NSD3: variants seen among roughly 807,000 people sequenced by gnomAD.
The protein encoded by NSD3 is nuclear receptor binding SET domain protein 3.
In NSD3, 24 loss-of-function variants were observed where a neutral mutation model predicts 160.8. That is an observed-to-expected ratio of 0.15 (90% confidence interval 0.11 to 0.21). The LOEUF (loss-of-function observed/expected upper bound fraction) is 0.21, where lower values mean the gene tolerates loss of function less well. NSD3 is among the 10% of genes least tolerant of loss of function. NSD3 has a pLI of 1.00. For synonymous variants in NSD3, 520 were observed against 600.0 expected (o/e 0.87, Z 1.95); for missense variants, 1,157 against 1,735.9 (o/e 0.67, Z 5.93).
At chr8:38,278,221 A>C (rs1368947651) in intron 22 of NSD3, 85 bp downstream of exon 22, 2 of 1,216,600 alleles carry the variant, frequency 1.6e-6, no homozygotes, top group African/African-American at 1.5e-5. Context: ...TACAGGCATG[A>C]GCCACCGCGC....
intron 1 of NSD3, among the ~76,000 whole-genome samples, chr8:38,368,152 G>A (rs1416270503): frequency 6.6e-6 from 1 of 152,074 alleles, no homozygotes; most frequent in Non-Finnish European, 1.5e-5. Flanking sequence ...GCTAAAGGGG[G>A]TTACACCATG....
At chr8:38,313,446 T>C (rs1809581796) in intron 12 of NSD3, among the ~76,000 whole-genome samples, 1 of 152,138 alleles carries the variant, frequency 6.6e-6, no homozygotes, top group African/African-American at 2.4e-5. Flanking sequence ...TAATAGTACC[T>C]ATCTCATCAT....
At chr8:38,337,568 A>G (rs891434790) in intron 3 of NSD3, 101 bp from the exon 4 acceptor site, 2 of 1,092,678 alleles carry the variant, frequency 1.8e-6, no homozygotes, top group African/African-American at 3.3e-5. Context: ...CTTCAGTTAT[A>G]CTTTGATACA....
intron 11 of NSD3, 78 bp downstream of exon 11, chr8:38,315,338 C>T: frequency 1.4e-6 from 2 of 1,426,468 alleles, no homozygotes; most frequent in Non-Finnish European, 1.8e-6. Context: ...ATATTATCCT[C>T]TTCAACAGGA....
intron 14 of NSD3, chr8:38,303,238 C>A: frequency 1.0e-6 from 1 of 985,262 alleles, no homozygotes; most frequent in Non-Finnish European, 1.2e-6. Flanking sequence ...ATAATTTTTT[C>A]TTCTAATCAT....
At chr8:38,355,719 G>C (rs1417937108) in intron 1 of NSD3, among the ~76,000 whole-genome samples, 1 of 152,166 alleles carries the variant, frequency 6.6e-6, no homozygotes, top group Admixed American at 6.5e-5. Flanking sequence ...ATAAATCCCT[G>C]ATAAAGATAA....
At chr8:38,363,241 T>C (rs1264486454) in intron 1 of NSD3, among the ~76,000 whole-genome samples, 1 of 152,234 alleles carries the variant, frequency 6.6e-6, no homozygotes, top group Non-Finnish European at 1.5e-5. Context: ...AATGGAGAGA[T>C]TATCCTATAC....
At chr8:38,357,027 G>A (rs1241234801) in intron 1 of NSD3, among the ~76,000 whole-genome samples, 1 of 142,168 alleles carries the variant, frequency 7.0e-6, no homozygotes, top group African/African-American at 2.6e-5. Context: ...GGTGAGGCAG[G>A]AGAATTGCTT....
intron 14 of NSD3, among the ~76,000 whole-genome samples, chr8:38,302,866 C>T (rs572518612): frequency 3.3e-5 from 5 of 152,250 alleles, no homozygotes; most frequent in Admixed American, 6.5e-5. Flanking sequence ...AACTCCTGGC[C>T]TTAAGCAATC....
intron 1 of NSD3, among the ~76,000 whole-genome samples, chr8:38,367,968 A>G (rs928311969): frequency 2.0e-5 from 3 of 152,112 alleles, no homozygotes; most frequent in Non-Finnish European, 4.4e-5. Context: ...AGTTTAAACT[A>G]TTAATAAAGC....
At chr8:38,368,475 G>T (rs1811161081) in intron 1 of NSD3, among the ~76,000 whole-genome samples, 1 of 152,058 alleles carries the variant, frequency 6.6e-6, no homozygotes, top group African/African-American at 2.4e-5. Flanking sequence ...ATACAAAAAA[G>T]AAAACAACAA....
At chr8:38,353,800 CA>C (rs1291378760) in intron 1 of NSD3, among the ~76,000 whole-genome samples, 1 of 152,170 alleles carries the variant, frequency 6.6e-6, no homozygotes, top group Admixed American at 6.5e-5. Flanking sequence ...GCATTAACTT[CA>C]TTTTTTAGGT....
In NSD3 at chr8:38,306,053, T is replaced by C. The variant is rs1809384239; in HGVS notation, c.2243-608A>G. Among the ~76,000 whole-genome samples the C allele has an allele frequency of 2.0e-5, 3 of 152,082 alleles. No individual in the cohort carries two copies. The South Asian group carries it at 6.2e-4, about 32-fold the overall frequency. ...AAATAATTACCAAACCAGAATTCTA[T>C]ACCCAGTGAAAATATTCGTCAAGAA... On this transcript the variant is annotated intron_variant, in intron 12 of 23. Coordinates refer to ENST00000317025, the MANE Select transcript of NSD3 (RefSeq NM_023034.2).
At chr8:38,380,167 G>C (rs114744793) in intron 1 of NSD3, among the ~76,000 whole-genome samples, 1 of 152,220 alleles carries the variant, frequency 6.6e-6, no homozygotes, top group African/African-American at 2.4e-5. Context: ...GCAAAGAGAA[G>C]AGATGGGGAA....
At chr8:38,354,200 C>A (rs1012965028) in intron 1 of NSD3, among the ~76,000 whole-genome samples, 1 of 152,116 alleles carries the variant, frequency 6.6e-6, no homozygotes, top group Non-Finnish European at 1.5e-5. Context: ...GTGCTTAGAC[C>A]GAATCTAAAG....
chr8:38,326,447 G>A (rs1038440436), intron 7 of NSD3, among the ~76,000 whole-genome samples: 24 of 152,128 alleles, frequency 1.6e-4, no homozygotes, highest in African/African-American at 5.8e-4. Flanking sequence ...AGAGATAGTC[G>A]ATGGTGTATT....
At chr8:38,311,538 C>T (rs1809536508) in intron 12 of NSD3, among the ~76,000 whole-genome samples, 1 of 152,130 alleles carries the variant, frequency 6.6e-6, no homozygotes, top group African/African-American at 2.4e-5. Context: ...GTTGGTCAGG[C>T]TGGTCTTAAA....
chr8:38,317,872 A>G lies in NSD3; in HGVS notation c.1855+1023T>C. ...GGCGAAATCAAAATCGAAAACAAAGAAACTGTTTATCAAGCCGCCGACAAA... is the reference window on the plus strand; with the variant it reads ...GGCGAAATCAAAATCGAAAACAAAGGAACTGTTTATCAAGCCGCCGACAAA... On this transcript the variant is annotated intron_variant, in intron 9 of 23. Coordinates refer to ENST00000317025, the MANE Select transcript of NSD3 (RefSeq NM_023034.2). The surrounding 1 kb of genome is among the most constrained non-coding windows in gnomAD (Gnocchi z 5.3). The G allele has an allele frequency of 8.2e-6, 13 of 1,587,792 alleles. No individual in the cohort carries two copies. The highest frequency in any genetic ancestry group is 1.4e-5 in the African/African-American group (1 of 73,850).
intron 16 of NSD3, among the ~76,000 whole-genome samples, chr8:38,291,165 C>A (rs748037407): frequency 6.6e-6 from 1 of 152,166 alleles, no homozygotes; most frequent in Non-Finnish European, 1.5e-5. Flanking sequence ...TGGGCAAACA[C>A]CTCTTGGTCA....
Sources: gnomAD v4.1 joint callset for allele counts (sites outside exome capture counted in the v4.1 genomes callset) on GRCh38, gnomAD v4.1.1 for gene constraint, Gnocchi (gnomAD v3.1) non-coding constraint, MANE v1.5 for transcripts, NCBI Gene and HGNC (gene_info 2026-07-23, HGNC 2026-07-21) for gene names.